Variants in ADSS2 observed in about 807,000 individuals in gnomAD.
ADSS2 encodes adenylosuccinate synthetase isozyme 2.
A neutral mutation model predicts 60.0 loss-of-function variants in ADSS2; 30 were observed. The ratio of observed to expected loss-of-function variants is 0.50; its 90% CI spans 0.37 to 0.68. The LOEUF (loss-of-function observed/expected upper bound fraction) is 0.68, where lower values mean the gene tolerates loss of function less well. Among genes scored for constraint, ADSS2 ranks in the 30% least tolerant of loss-of-function variants. The probability of loss-of-function intolerance (pLI) is 0.00; values close to 1 mark genes in which losing one functional copy is unlikely to be tolerated. For missense variants in ADSS2, 373 were observed against 554.8 expected (o/e 0.67, Z 3.29); for synonymous variants, 187 against 193.1 (o/e 0.97, Z 0.26).
chr1:244,411,290 G>T lies in ADSS2; in HGVS notation c.1315C>A (p.Pro439Thr). The T allele has an allele frequency of 6.2e-7, 1 of 1,604,840 alleles. No individual in the cohort carries two copies. The highest frequency in any genetic ancestry group is 1.3e-5 in the African/African-American group (1 of 74,404). ...VRFIEDELQI[P>T]VKWIGVGKSR... ...TTCACAAAGTGTTTATGTTTACCTGGAATTTGAAGCTCATCTTCAATAAAT... is the reference window on the plus strand; with the variant it reads ...TTCACAAAGTGTTTATGTTTACCTGTAATTTGAAGCTCATCTTCAATAAAT... Residue 439 changes from proline (P) to threonine (T), a missense_variant, in exon 12 of 13, where the codon CCA becomes ACA. By Grantham distance (38) the Pro-to-Thr change is conservative. This residue lies in a region of ADSS2 where 130 missense variants were observed against 169.4 expected (regional missense o/e 0.77). Coordinates refer to ENST00000366535, the MANE Select transcript of ADSS2 (RefSeq NM_001126.5).
At chr1:244,414,756 TC>T (rs1265510579) in intron 11 of ADSS2, among the ~76,000 whole-genome samples, 11 of 152,336 alleles carry the variant, frequency 7.2e-5, no homozygotes, top group Middle Eastern at 3.4e-3. Flanking sequence ...GATTCATAGC[TC>T]AGTCCCTCTC....
intron 1 of ADSS2, among the ~76,000 whole-genome samples, chr1:244,449,706 A>G (rs1341038404): frequency 1.3e-5 from 2 of 152,252 alleles, no homozygotes; most frequent in African/African-American, 4.8e-5. Flanking sequence ...AAAGAACATA[A>G]GGATTCTATA....
rs554985860 is a variant in ADSS2, at chr1:244,421,148, A to G, written c.664-852T>C. ...CTATTACTGTAACATGTCTATCTCT[A>G]CACTATTACTAGTAGATAATGTCCA... On this transcript the variant is annotated intron_variant, in intron 7 of 12. Coordinates refer to ENST00000366535, the MANE Select transcript of ADSS2 (RefSeq NM_001126.5). 2.0e-5 allele frequency among the ~76,000 whole-genome samples: 3 copies of G among 152,328 alleles called. No homozygotes were observed. In the South Asian group the frequency reaches 6.2e-4, roughly 32 times the overall value.
intron 1 of ADSS2, among the ~76,000 whole-genome samples, chr1:244,448,421 G>A (rs1425840227): frequency 6.6e-6 from 1 of 151,992 alleles, no homozygotes; most frequent in Non-Finnish European, 1.5e-5. Context: ...TCAAGTGATG[G>A]GGTGTGCTTT....
intron 4 of ADSS2, among the ~76,000 whole-genome samples, chr1:244,426,475 C>T (rs1212239705): frequency 6.6e-6 from 1 of 152,084 alleles, no homozygotes; most frequent in Non-Finnish European, 1.5e-5. Flanking sequence ...AATGCCTCCA[C>T]TATTACTGTT....
At chr1:244,419,039 C>A in intron 8 of ADSS2, 125 bp from the exon 9 acceptor site, 1 of 875,370 alleles carries the variant, frequency 1.1e-6, no homozygotes, top group Non-Finnish European at 1.7e-6. Flanking sequence ...ACTGTAACTG[C>A]CCTCTCAAAG....
chr1:244,424,592 T>C, intron 4 of ADSS2: 1 of 477,772 alleles, frequency 2.1e-6, no homozygotes, highest in Non-Finnish European at 3.8e-6. Context: ...TTCTTATTTA[T>C]TGCAGTCTAT....
intron 4 of ADSS2, 102 bp from the exon 5 acceptor site, chr1:244,424,489 T>A (rs1396888194): frequency 1.1e-6 from 1 of 882,786 alleles, no homozygotes; most frequent in East Asian, 2.6e-5. Flanking sequence ...TTCAGCCTCA[T>A]TTCAGTATAA....
intron 4 of ADSS2, 184 bp from the exon 5 acceptor site, chr1:244,424,571 C>T: frequency 2.0e-6 from 1 of 506,350 alleles, no homozygotes; most frequent in East Asian, 3.1e-5. Flanking sequence ...ATGAAAATGT[C>T]TGATCTTTCG....
intron 1 of ADSS2, among the ~76,000 whole-genome samples, chr1:244,445,929 C>G (rs1008998204): frequency 2.6e-5 from 4 of 152,124 alleles, no homozygotes; most frequent in Admixed American, 2.0e-4. Context: ...GCTAGTTAGG[C>G]CTCTGTGTCT....
chr1:244,432,580 T>TC lies in ADSS2; in HGVS notation c.370dup (p.Glu124GlyfsTer8). 6.3e-7 allele frequency: 1 copy of TC among 1,581,772 alleles called. No homozygotes were observed. The highest frequency in any genetic ancestry group is 8.6e-7 in the Non-Finnish European group (1 of 1,161,042). ...TCTGTCAGATATAATAAGCCTTTTT[T>TC]CCCAGCCTTCTAGTCCTAGAAAGGG... On this transcript the variant is annotated frameshift_variant, in exon 4 of 13. Coordinates refer to ENST00000366535, the MANE Select transcript of ADSS2 (RefSeq NM_001126.5). LOFTEE classifies it high-confidence loss of function.
intron 3 of ADSS2, among the ~76,000 whole-genome samples, chr1:244,434,207 C>G (rs1410902682): frequency 6.6e-6 from 1 of 151,258 alleles, no homozygotes; most frequent in Non-Finnish European, 1.5e-5. Context: ...ATTAAAAAAC[C>G]TAGTCAGGCA....
intron 1 of ADSS2, among the ~76,000 whole-genome samples, chr1:244,445,648 TA>T (rs34487846): frequency 3.1e-3 from 452 of 146,990 alleles, no homozygotes; most frequent in Non-Finnish European, 3.7e-3. Context: ...CAGGGGAGGT[TA>T]AAAAAAAAAA....
chr1:244,417,846 G>T, intron 9 of ADSS2, 94 bp from the exon 10 acceptor site: 1 of 1,192,120 alleles, frequency 8.4e-7, no homozygotes, highest in Non-Finnish European at 1.2e-6. Flanking sequence ...AAGCCTCTTT[G>T]AGATAAACAT....
chr1:244,435,603 T>C (rs1209095604), intron 3 of ADSS2, among the ~76,000 whole-genome samples: 2 of 151,146 alleles, frequency 1.3e-5, no homozygotes, highest in Non-Finnish European at 2.9e-5. Context: ...CCTCTGTCCT[T>C]CTCTTCTTCC....
intron 7 of ADSS2, 41 bp downstream of exon 7, chr1:244,422,794 C>A (rs746655176): frequency 2.7e-6 from 4 of 1,465,346 alleles, no homozygotes; most frequent in East Asian, 4.6e-5. Flanking sequence ...ATTTGGCAAA[C>A]AAGTATTAAA....
At chr1:244,441,905 G>A (rs1359109083) in intron 1 of ADSS2, among the ~76,000 whole-genome samples, 2 of 152,046 alleles carry the variant, frequency 1.3e-5, no homozygotes, top group African/African-American at 4.8e-5. Context: ...GCAGTGAGCC[G>A]AGATCACGCC....
intron 1 of ADSS2, among the ~76,000 whole-genome samples, chr1:244,438,644 G>A (rs142294517): frequency 2.0e-5 from 3 of 152,016 alleles, no homozygotes; most frequent in Non-Finnish European, 2.9e-5. Context: ...AAGTATACTC[G>A]GGATGTATTT....
chr1:244,436,926 C>G, intron 2 of ADSS2, 33 bp from the exon 3 acceptor site: 1 of 1,562,830 alleles, frequency 6.4e-7, no homozygotes, highest in East Asian at 2.2e-5. Context: ...CAACGGTAAA[C>G]ATCTATAACT....
Sources: gnomAD v4.1 joint callset for allele counts (sites outside exome capture counted in the v4.1 genomes callset) on GRCh38, gnomAD v4.1.1 for gene constraint, gnomAD v4.1.1 regional missense constraint, MANE v1.5 for transcripts, NCBI Gene and HGNC (gene_info 2026-07-23, HGNC 2026-07-21) for gene names.